The following DNAJB14 variants were observed in gnomAD, a reference collection of about 807,000 sequenced individuals.
DNAJB14 encodes the protein dnaJ homolog subfamily B member 14.
In DNAJB14, 22 loss-of-function variants were observed where a neutral mutation model predicts 48.4. That is an observed-to-expected ratio of 0.45 (90% CI 0.32 to 0.65). The LOEUF is 0.65. DNAJB14 is among the 30% of genes least tolerant of loss of function. The pLI, the probability that DNAJB14 is intolerant of heterozygous loss-of-function variation, is 0.03. For missense variants in DNAJB14, 319 were observed against 458.8 expected (o/e 0.70, Z 2.78); for synonymous variants, 142 against 158.7 (o/e 0.89, Z 0.79).
At chr4:99,941,442 A>G (rs1726887941) in intron 1 of DNAJB14, among the ~76,000 whole-genome samples, 1 of 152,206 alleles carries the variant, frequency 6.6e-6, no homozygotes, top group East Asian at 1.9e-4. Flanking sequence ...TTTCCTATAG[A>G]AATAATACAT....
intron 2 of DNAJB14, chr4:99,928,598 C>T (rs1350215731): frequency 4.4e-6 from 2 of 452,004 alleles, no homozygotes; most frequent in Non-Finnish European, 8.9e-6. Flanking sequence ...CCTTGGACTA[C>T]TCTTCTTTTT....
chr4:99,919,654 A>C (rs1449319319), intron 3 of DNAJB14, among the ~76,000 whole-genome samples: 1 of 152,162 alleles, frequency 6.6e-6, no homozygotes, highest in Non-Finnish European at 1.5e-5. Context: ...TTGAATCCTG[A>C]GGTCCCTACC....
rs745419417 is a variant in DNAJB14, at chr4:99,908,854, C to T, written c.494G>A (p.Arg165Gln). 2.6e-5 allele frequency: 42 copies of T among 1,597,286 alleles called. 1 individual carries two copies. Among genetic ancestry groups the T allele is most frequent in the Non-Finnish European group, 7.7e-6 (9 of 1,173,244 alleles). Reference protein sequence around the residue: ...AYAVLSNPEKRKQYDLTGNEE... With the variant: ...AYAVLSNPEKQKQYDLTGNEE... Reference sequence around the variant, plus strand: ...ATTGCCCGTGAGGTCATACTGTTTTCGCTTTTCTGGATTACTTAAAACAGC... The same window carrying T: ...ATTGCCCGTGAGGTCATACTGTTTTTGCTTTTCTGGATTACTTAAAACAGC... Residue 165 changes from arginine to glutamine, a missense_variant, in exon 4 of 8, where the codon CGA (arginine) becomes CAA (glutamine). Arg to Gln is a conservative substitution (Grantham distance 43, BLOSUM62 1). This residue lies in a region of DNAJB14 where 37 missense variants were observed against 87.8 expected (regional missense o/e 0.42). Coordinates refer to ENST00000442697, the MANE Select transcript of DNAJB14 (RefSeq NM_001031723.4).
intron 3 of DNAJB14, among the ~76,000 whole-genome samples, chr4:99,920,664 T>A (rs1231758214): frequency 6.6e-6 from 1 of 152,190 alleles, no homozygotes; most frequent in Non-Finnish European, 1.5e-5. Context: ...TTGGGAAACA[T>A]ATAATCCTAA....
At chr4:99,943,778 A>ATTTT (rs1465244121) in intron 1 of DNAJB14, among the ~76,000 whole-genome samples, 74 of 152,318 alleles carry the variant, frequency 4.9e-4, no homozygotes, top group African/African-American at 1.7e-3. Flanking sequence ...TGACTAAATG[A>ATTTT]AATCATATTC....
chr4:99,905,909 C>T (rs1725447811), intron 5 of DNAJB14: 1 of 1,329,328 alleles, frequency 7.5e-7, no homozygotes, highest in South Asian at 1.6e-5. Context: ...TTGAAAAACA[C>T]TGATAAAATT....
In DNAJB14 at chr4:99,902,495, TTGAG is replaced by T. The variant is rs201670606; in HGVS notation, c.1015+1227_1015+1230del. Among the ~76,000 whole-genome samples the T allele has an allele frequency of 9.3e-3, 1,422 of 152,176 alleles. 25 individuals are homozygous for T. The highest frequency in any genetic ancestry group is 0.032 in the African/African-American group (1,334 of 41,518). ...AGGACAGACTGATTTCACAAACTCATTGAGTTAGAAGTCAAAGAGGTCACATCTC... is the reference window on the plus strand; with the variant it reads ...AGGACAGACTGATTTCACAAACTCATTTAGAAGTCAAAGAGGTCACATCTC... On this transcript the variant is annotated intron_variant, in intron 7 of 7. Coordinates refer to ENST00000442697, the MANE Select transcript of DNAJB14 (RefSeq NM_001031723.4).
intron 1 of DNAJB14, among the ~76,000 whole-genome samples, chr4:99,939,330 C>T (rs1726806784): frequency 6.6e-6 from 1 of 152,190 alleles, no homozygotes; most frequent in Non-Finnish European, 1.5e-5. Context: ...CCATTGCATT[C>T]CGGCCTGGGC....
At chr4:99,930,992 T>A (rs1310678208) in intron 1 of DNAJB14, among the ~76,000 whole-genome samples, 1 of 152,304 alleles carries the variant, frequency 6.6e-6, no homozygotes, top group South Asian at 2.1e-4. Context: ...TAATTCTCAA[T>A]AGCAACAATG....
intron 3 of DNAJB14, among the ~76,000 whole-genome samples, chr4:99,910,094 A>G (rs1350034643): frequency 1.3e-5 from 2 of 152,074 alleles, no homozygotes; most frequent in Non-Finnish European, 2.9e-5. Flanking sequence ...TTGGATGATT[A>G]CACATTACAC....
chr4:99,909,059 A>G (rs982876554), intron 3 of DNAJB14, among the ~76,000 whole-genome samples, 163 bp from the exon 4 acceptor site: 1 of 152,088 alleles, frequency 6.6e-6, no homozygotes, highest in Non-Finnish European at 1.5e-5. Context: ...GCAATTACAT[A>G]TATTATCTCT....
chr4:99,943,514 A>G (rs937125852), intron 1 of DNAJB14, among the ~76,000 whole-genome samples: 30 of 152,210 alleles, frequency 2.0e-4, no homozygotes, highest in African/African-American at 7.0e-4. Flanking sequence ...AATGGGGATG[A>G]CACCAAAATT....
intron 2 of DNAJB14, 69 bp downstream of exon 2, chr4:99,930,381 A>G: frequency 7.0e-7 from 1 of 1,429,798 alleles, no homozygotes; most frequent in Non-Finnish European, 9.4e-7. Context: ...CACTTTTTTC[A>G]GGTGTTATAA....
chr4:99,930,940 A>G (rs1233893228), intron 1 of DNAJB14, among the ~76,000 whole-genome samples: 1 of 152,206 alleles, frequency 6.6e-6, no homozygotes, highest in Non-Finnish European at 1.5e-5. Flanking sequence ...AAAGTAGCCA[A>G]TGAGATCATC....
chr4:99,924,585 T>C, intron 2 of DNAJB14: 3 of 644,072 alleles, frequency 4.7e-6, no homozygotes, highest in Non-Finnish European at 7.1e-6. Context: ...CTTTATTTAG[T>C]CAATAATATT....
At position 99,900,786 on chromosome 4, in the gene DNAJB14, T is replaced by C; in HGVS notation, c.*242A>G. ...TAATCCTTTCTCATGACACTTTAGT[T>C]AGGAATCATGTAAGCTTTTAAAATG... On this transcript the variant is annotated 3_prime_UTR_variant, in exon 8 of 8. Coordinates refer to ENST00000442697, the MANE Select transcript of DNAJB14 (RefSeq NM_001031723.4). The C allele has an allele frequency of 3.1e-6, 1 of 325,764 alleles. No individual in the cohort carries two copies. Among genetic ancestry groups the C allele is most frequent in the Non-Finnish European group, 5.5e-6 (1 of 180,908 alleles). The allele number at this position is 325,764 out of a possible 1,614,324, so 20.2% of individuals were successfully genotyped here. A position where few individuals can be genotyped will look rare whatever the true frequency, so the allele number is the denominator to read the frequency against.
At chr4:99,926,793 G>A (rs1383289046) in intron 2 of DNAJB14, 2 of 151,754 alleles carry the variant, frequency 1.3e-5, no homozygotes, top group African/African-American at 4.8e-5. Context: ...CTAACTCTTA[G>A]CTGTATCCAG....
intron 3 of DNAJB14, among the ~76,000 whole-genome samples, chr4:99,912,258 C>A (rs992703404): frequency 6.6e-6 from 1 of 152,200 alleles, no homozygotes; most frequent in African/African-American, 2.4e-5. Flanking sequence ...GCCATTACCA[C>A]GCAGTTTTGT....
At chr4:99,936,767 C>A (rs1726690015) in intron 1 of DNAJB14, among the ~76,000 whole-genome samples, 1 of 151,900 alleles carries the variant, frequency 6.6e-6, no homozygotes. Context: ...AATCTGAACA[C>A]AAAAATAAAT....
Sources: gnomAD v4.1 joint callset for allele counts (sites outside exome capture counted in the v4.1 genomes callset) on GRCh38, gnomAD v4.1.1 for gene constraint, gnomAD v4.1.1 regional missense constraint, MANE v1.5 for transcripts, NCBI Gene and HGNC (gene_info 2026-07-23, HGNC 2026-07-21) for gene names.